Variants in ST18 observed in about 807,000 individuals in gnomAD.
ST18 encodes the protein suppression of tumorigenicity 18 protein.
Under a neutral mutation model 110.0 loss-of-function variants are expected in ST18, and 50 were observed. The observed-to-expected ratio is 0.45, with a 90% CI of 0.36 to 0.58. The LOEUF is 0.58. ST18 is among the 20% of genes least tolerant of loss of function. ST18 has a pLI of 0.00. For missense variants in ST18, 1,306 were observed against 1,280.1 expected (o/e 1.02, Z -0.31); for synonymous variants, 461 against 452.4 (o/e 1.02, Z -0.24).
chr8:52,232,453 G>A (rs552263935), intron 2 of ST18, among the ~76,000 whole-genome samples: 5 of 152,158 alleles, frequency 3.3e-5, no homozygotes, highest in Admixed American at 6.5e-5. Flanking sequence ...AAATTTAAAC[G>A]TCAAATAAAT....
intron 2 of ST18, among the ~76,000 whole-genome samples, chr8:52,278,249 C>T (rs1031067459): frequency 6.6e-6 from 1 of 152,158 alleles, no homozygotes; most frequent in African/African-American, 2.4e-5. Context: ...AAAGAGCTTT[C>T]TTCACAGAGG....
intron 2 of ST18, among the ~76,000 whole-genome samples, chr8:52,347,908 T>C (rs1044779063): frequency 2.0e-5 from 3 of 152,228 alleles, no homozygotes; most frequent in Admixed American, 6.5e-5. Context: ...ACTAATCCAA[T>C]TTCTTTAGAT....
chr8:52,135,475 G>T (rs921146035), intron 19 of ST18, among the ~76,000 whole-genome samples: 1 of 149,028 alleles, frequency 6.7e-6, no homozygotes, highest in African/African-American at 2.5e-5. Flanking sequence ...ACAGGCAATC[G>T]CTTGAACCTG....
chr8:52,407,774 C>T (rs1429749583), intron 2 of ST18: 1 of 152,150 alleles, frequency 6.6e-6, no homozygotes, highest in East Asian at 1.9e-4. Flanking sequence ...GGAAACTCCT[C>T]GGAGAGTTCA....
At chr8:52,363,297 G>A (rs1484974316) in intron 2 of ST18, among the ~76,000 whole-genome samples, 2 of 152,208 alleles carry the variant, frequency 1.3e-5, no homozygotes, top group Non-Finnish European at 2.9e-5. Flanking sequence ...CATATTTTGA[G>A]GCTATAATAT....
intron 2 of ST18, among the ~76,000 whole-genome samples, chr8:52,253,351 C>T (rs757770774): frequency 2.0e-5 from 3 of 152,142 alleles, no homozygotes; most frequent in Middle Eastern, 6.8e-3. Context: ...CATCCTTCTG[C>T]AAAATTTTGT....
At chr8:52,288,625 C>A (rs1011450068) in intron 2 of ST18, among the ~76,000 whole-genome samples, 3 of 149,582 alleles carry the variant, frequency 2.0e-5, no homozygotes, top group Admixed American at 6.7e-5. Flanking sequence ...ACCTGGAAAG[C>A]GGAGGTTGCA....
At chr8:52,333,931 T>C (rs1459195029) in intron 2 of ST18, among the ~76,000 whole-genome samples, 1 of 152,218 alleles carries the variant, frequency 6.6e-6, no homozygotes, top group Non-Finnish European at 1.5e-5. Flanking sequence ...GCTCCACTTC[T>C]GTGAAACAGA....
chr8:52,114,567 C>T (rs191321478), intron 25 of ST18, among the ~76,000 whole-genome samples: 2 of 152,310 alleles, frequency 1.3e-5, no homozygotes, highest in Non-Finnish European at 2.9e-5. Context: ...GTGCTCTGCT[C>T]GGCAAAGCGC....
chr8:52,297,704 A>C (rs1019900391), intron 2 of ST18, among the ~76,000 whole-genome samples: 1 of 152,230 alleles, frequency 6.6e-6, no homozygotes, highest in African/African-American at 2.4e-5. Flanking sequence ...CAAACATGTA[A>C]TGTATAACTA....
In ST18 at chr8:52,149,920, G is replaced by A. The variant is rs267601943; in HGVS notation, c.1864C>T (p.Arg622Ter). The A allele has an allele frequency of 1.9e-6, 3 of 1,614,064 alleles. No individual in the cohort carries two copies. Among genetic ancestry groups the A allele is most frequent in the Non-Finnish European group, 2.5e-6 (3 of 1,179,978 alleles). ...AGGGGTGCAGACTTGTCCAGGATTC[G>A]ATTTTTTTTCATGCTTAAGTCCAAT... ...GTLDLSMKKN[R>*]ILDKSAPLTS... Residue 622 changes from arginine (R) to a stop codon, truncating the protein, a stop_gained, in exon 16 of 26, where the codon CGA (arginine) becomes TGA (stop). Transcript: ENST00000689386. LOFTEE classifies it high-confidence loss of function.
intron 8 of ST18, among the ~76,000 whole-genome samples, chr8:52,191,444 A>C (rs2074435927): frequency 6.6e-6 from 1 of 152,156 alleles, no homozygotes; most frequent in Non-Finnish European, 1.5e-5. Flanking sequence ...AAGGTCCAAA[A>C]TTCGGCTGAA....
At chr8:52,290,118 T>C (rs2095533039) in intron 2 of ST18, among the ~76,000 whole-genome samples, 1 of 152,098 alleles carries the variant, frequency 6.6e-6, no homozygotes, top group Non-Finnish European at 1.5e-5. Context: ...AGACCATCTA[T>C]CTCCTGCAGC....
intron 2 of ST18, among the ~76,000 whole-genome samples, chr8:52,274,789 G>T (rs1412587895): frequency 2.6e-5 from 4 of 152,088 alleles, no homozygotes; most frequent in Non-Finnish European, 5.9e-5. Context: ...TCATGTTTTG[G>T]AGTCTATAAA....
intron 8 of ST18, among the ~76,000 whole-genome samples, chr8:52,209,786 A>ATATAT (rs778525182): frequency 2.2e-4 from 29 of 133,538 alleles, no homozygotes; most frequent in African/African-American, 8.6e-4. Flanking sequence ...AAAAAAAAAA[A>ATATAT]AAATATATAT....
chr8:52,132,367 A>G (rs2050029623), intron 21 of ST18, among the ~76,000 whole-genome samples, 188 bp from the exon 22 acceptor site: 1 of 152,174 alleles, frequency 6.6e-6, no homozygotes, highest in African/African-American at 2.4e-5. Flanking sequence ...ATTCACTACA[A>G]TCTACTGGGT....
chr8:52,216,932 T>G (rs147278765), intron 6 of ST18, among the ~76,000 whole-genome samples: 7 of 152,296 alleles, frequency 4.6e-5, no homozygotes, highest in Non-Finnish European at 8.8e-5. Context: ...TAGATTATCA[T>G]TCTTTCAAAG....
chr8:52,359,929 A>T (rs530206674), intron 2 of ST18, among the ~76,000 whole-genome samples: 1 of 152,314 alleles, frequency 6.6e-6, no homozygotes, highest in African/African-American at 2.4e-5. Flanking sequence ...TTTGCCTTGC[A>T]TCCATTTGAG....
intron 22 of ST18, 41 bp downstream of exon 22, chr8:52,131,917 G>A (rs367773628): frequency 4.9e-5 from 79 of 1,601,266 alleles, no homozygotes; most frequent in African/African-American, 6.7e-5. Flanking sequence ...GGCGACAACC[G>A]ATCACAACAC....
Sources: allele counts gnomAD v4.1 joint callset (sites outside exome capture counted in the v4.1 genomes callset), GRCh38; gene constraint gnomAD v4.1.1; transcripts MANE v1.5; gene names NCBI Gene and HGNC (gene_info 2026-07-23, HGNC 2026-07-21).